Variants in NIPA2 observed in about 807,000 individuals in gnomAD.
The protein encoded by NIPA2 is NIPA magnesium transporter 2.
NIPA2 carries 11 observed loss-of-function variants against 29.7 expected under a neutral mutation model. That is an observed-to-expected ratio of 0.37 (90% CI 0.23 to 0.61). NIPA2 has a LOEUF of 0.61. Among genes scored for constraint, NIPA2 ranks in the 20% least tolerant of loss-of-function variants. The pLI is 0.66. For synonymous variants in NIPA2, 183 were observed against 161.9 expected (o/e 1.13, Z -0.99); for missense variants, 426 against 437.9 (o/e 0.97, Z 0.24).
At chr15:22,847,152 C>T (rs991209109) in intron 3 of NIPA2, among the ~76,000 whole-genome samples, 5 of 151,880 alleles carry the variant, frequency 3.3e-5, no homozygotes, top group Non-Finnish European at 7.4e-5. Context: ...GTGATCTGCC[C>T]GCTTCTTCCT....
At position 22,866,557 on chromosome 15, in the gene NIPA2, G is replaced by C; in HGVS notation, c.793G>C (p.Ala265Pro). 6.2e-7 allele frequency: 1 copy of C among 1,614,096 alleles called. No homozygotes were observed. Among genetic ancestry groups the C allele is most frequent in the Non-Finnish European group, 8.5e-7 (1 of 1,179,968 alleles). ...FFTTSVLTCS[A>P]ILFKEWQDMP... ...TACAACATCAGTTTTAACTTGTTCA[G>C]CTATTCTTTTTAAGGAGTGGCAAGA... The change falls in exon 8 of 8, where the codon GCT becomes CCT. Residue 265 changes from alanine (A) to proline (P), a missense_variant. By Grantham distance (27) the Ala-to-Pro change is conservative. Around this residue, in one of 3 missense-constraint regions of NIPA2, gnomAD observed 357 missense variants for 339.8 expected, o/e 1.05. Transcript: ENST00000337451.
chr15:22,839,831 G>T (rs1293673311), intron 2 of NIPA2, 41 bp downstream of exon 2: 1 of 152,154 alleles, frequency 6.6e-6, no homozygotes, highest in Non-Finnish European at 1.5e-5. Flanking sequence ...TTGTTGCATA[G>T]TTAGGGTTGG....
chr15:22,839,948 G>T (rs954651658), intron 2 of NIPA2, among the ~76,000 whole-genome samples, 158 bp downstream of exon 2: 7 of 152,110 alleles, frequency 4.6e-5, no homozygotes, highest in African/African-American at 1.7e-4. Context: ...ATTTTTCTGA[G>T]CCAAGGTCTT....
chr15:22,864,192 G>C (rs942989592), intron 7 of NIPA2, among the ~76,000 whole-genome samples: 13 of 152,026 alleles, frequency 8.6e-5, no homozygotes, highest in Non-Finnish European at 1.9e-4. Flanking sequence ...GTCTTGCTCT[G>C]TTGCCCAGGC....
At chr15:22,847,842 G>T (rs1021965385) in intron 3 of NIPA2, among the ~76,000 whole-genome samples, 4 of 151,882 alleles carry the variant, frequency 2.6e-5, no homozygotes, top group African/African-American at 7.3e-5. Context: ...TTGTTGCCCA[G>T]GCTGGAATGC....
chr15:22,858,454 A>G (rs1168666875), intron 5 of NIPA2, 86 bp from the exon 6 acceptor site: 3 of 702,022 alleles, frequency 4.3e-6, no homozygotes, highest in Non-Finnish European at 7.4e-6. Context: ...TTGAAATAAT[A>G]TATAGATAGT....
At position 22,867,059 on chromosome 15, in the gene NIPA2, T is replaced by TAACA. The variant is rs1180282343; in HGVS notation, c.*213_*216dup. The TAACA allele has an allele frequency of 1.1e-5, 6 of 522,242 alleles. No individual in the cohort carries two copies. The highest frequency in any genetic ancestry group is 6.1e-5 in the East Asian group (2 of 32,880). 32.4% of individuals were successfully genotyped at this position (522,242 alleles called of 1,614,324 possible). ...GACCTCAGCACATGACGATTTCTATTAACATTTTATTGTTGTAGAAGTATT... is the reference window on the plus strand; with the variant it reads ...GACCTCAGCACATGACGATTTCTATTAACAAACATTTTATTGTTGTAGAAGTATT... On this transcript the variant is annotated 3_prime_UTR_variant, in exon 8 of 8. Coordinates refer to ENST00000337451, the MANE Select transcript of NIPA2 (RefSeq NM_030922.7).
chr15:22,848,879 C>T (rs531112304), intron 3 of NIPA2, among the ~76,000 whole-genome samples: 7 of 150,026 alleles, frequency 4.7e-5, no homozygotes, highest in African/African-American at 1.7e-4. Context: ...CATATTCACC[C>T]AGAAAACACA....
intron 3 of NIPA2, among the ~76,000 whole-genome samples, chr15:22,848,987 G>A (rs548413228): frequency 4.0e-4 from 61 of 152,288 alleles, no homozygotes; most frequent in African/African-American, 1.5e-3. Context: ...TGATGCAGGA[G>A]ACTGGCTGAT....
chr15:22,864,591 T>C (rs1179047156), intron 7 of NIPA2, among the ~76,000 whole-genome samples: 1 of 152,188 alleles, frequency 6.6e-6, no homozygotes, highest in African/African-American at 2.4e-5. Context: ...TGACCTCAGC[T>C]TCCTGGAACT....
chr15:22,865,418 G>A (rs561906206), intron 7 of NIPA2, among the ~76,000 whole-genome samples: 4 of 151,870 alleles, frequency 2.6e-5, no homozygotes, highest in South Asian at 2.1e-4. Context: ...CCCGGGAGGC[G>A]GAGCTTGCAG....
At chr15:22,840,842 A>G (rs73422125) in intron 2 of NIPA2, among the ~76,000 whole-genome samples, 33,478 of 152,036 alleles carry the variant, frequency 0.22, 3,934 homozygotes, top group Admixed American at 0.32. Flanking sequence ...AATTTCACAT[A>G]TTTTCAGAAT....
In NIPA2 at chr15:22,866,742, T is replaced by TATGTA; in HGVS notation, c.979_983dup (p.Tyr328Ter). The stretch of plus-strand genomic sequence containing the variant: ...AAGCAATGAATGGCAATCTCTCTAA[T>TATGTA]ATGTATGAAGTTCTTAATAATAATG... On this transcript the variant is annotated frameshift_variant, in exon 8 of 8. Coordinates refer to ENST00000337451, the MANE Select transcript of NIPA2 (RefSeq NM_030922.7). LOFTEE classifies it high-confidence loss of function. 2 of 1,613,968 alleles carry TATGTA rather than the reference T, an allele frequency of 1.2e-6. No individual in the cohort carries two copies. Among genetic ancestry groups the TATGTA allele is most frequent in the Non-Finnish European group, 1.7e-6 (2 of 1,179,848 alleles).
At chr15:22,847,080 A>G (rs1040910007) in intron 3 of NIPA2, among the ~76,000 whole-genome samples, 1 of 150,942 alleles carries the variant, frequency 6.6e-6, no homozygotes. Flanking sequence ...ATTTTTTTGT[A>G]TTTTTAGTAG....
intron 7 of NIPA2, 112 bp downstream of exon 7, chr15:22,860,901 A>T: frequency 1.3e-6 from 1 of 742,482 alleles, no homozygotes; most frequent in East Asian, 2.9e-5. Context: ...CTGGTAGAAG[A>T]ACAAATTGTC....
chr15:22,860,852 C>T (rs1392414775), intron 7 of NIPA2, 63 bp downstream of exon 7: 19 of 1,303,520 alleles, frequency 1.5e-5, no homozygotes, highest in South Asian at 1.4e-4. Flanking sequence ...TTACTTTAAT[C>T]GAAATTTGAT....
Position 22,838,889 on chromosome 15 carries a change from AGGGGAAGCCGC to A in NIPA2, c.-382_-372del, listed in dbSNP as rs1353288702. On this transcript the variant is annotated 5_prime_UTR_variant, in exon 1 of 8. The change abolishes the stop of an existing upstream ORF in the 5' untranslated region. Transcript: ENST00000337451. ...CGCGGTGCCCAAGGCTGCGCCGGCG[AGGGGAAGCCGC>A]GCGGCCGGCCGGCCGACTAGGGTGA... 6.6e-6 allele frequency: 1 copy of A among 152,218 alleles called. No homozygotes were observed. The highest frequency in any genetic ancestry group is 2.4e-5 in the African/African-American group (1 of 41,430). 9.4% of individuals were successfully genotyped at this position (152,218 alleles called of 1,614,324 possible).
intron 3 of NIPA2, among the ~76,000 whole-genome samples, chr15:22,849,696 A>AG (rs2057573780): frequency 6.6e-6 from 1 of 152,014 alleles, no homozygotes; most frequent in African/African-American, 2.4e-5. Context: ...AGTAGCTGGA[A>AG]CTACAGGCGC....
chr15:22,847,880 C>T (rs1384272642), intron 3 of NIPA2, among the ~76,000 whole-genome samples: 2 of 152,156 alleles, frequency 1.3e-5, no homozygotes, highest in Non-Finnish European at 2.9e-5. Context: ...TCACCACAAC[C>T]TCTGCCTCCC....
Sources: gnomAD v4.1 joint callset for allele counts (sites outside exome capture counted in the v4.1 genomes callset) on GRCh38, gnomAD v4.1.1 for gene constraint, gnomAD v4.1.1 regional missense constraint, MANE v1.5 for transcripts, NCBI Gene and HGNC (gene_info 2026-07-23, HGNC 2026-07-21) for gene names.